The following RABGAP1L variants were observed in gnomAD, a reference collection of about 807,000 sequenced individuals.
The protein encoded by RABGAP1L is RAB GTPase activating protein 1 like, also known as rab GTPase-activating protein 1-like.
RABGAP1L carries 63 observed loss-of-function variants against 137.7 expected under a neutral mutation model. The observed-to-expected ratio is 0.46, with a 90% CI of 0.37 to 0.56. RABGAP1L has a LOEUF of 0.56. Among genes scored for constraint, RABGAP1L ranks in the 20% least tolerant of loss-of-function variants. RABGAP1L has a pLI of 0.00. For missense variants in RABGAP1L, 1,095 were observed against 1,244.0 expected, an observed-to-expected ratio of 0.88 and a Z score of 1.80; for synonymous variants, 431 against 433.7, an observed-to-expected ratio of 0.99 and a Z score of 0.08.
chr1:174,852,284 A>G (rs761247505), intron 19 of RABGAP1L, among the ~76,000 whole-genome samples: 2 of 152,188 alleles, frequency 1.3e-5, no homozygotes, highest in Non-Finnish European at 2.9e-5. Context: ...TGAGTAGAAA[A>G]GCACACAACA....
chr1:174,383,603 C>T (rs999263753), intron 12 of RABGAP1L, among the ~76,000 whole-genome samples: 1 of 152,200 alleles, frequency 6.6e-6, no homozygotes, highest in African/African-American at 2.4e-5. Context: ...AACTCCCTGA[C>T]CCCTTGCGCT....
At chr1:174,897,262 G>A (rs1006103798) in intron 19 of RABGAP1L, 3 of 152,148 alleles carry the variant, frequency 2.0e-5, no homozygotes, top group Non-Finnish European at 2.9e-5. Context: ...GTATAAGAAT[G>A]CTTGTGATTT....
At chr1:174,708,632 A>G (rs1037147813) in intron 17 of RABGAP1L, among the ~76,000 whole-genome samples, 1 of 152,162 alleles carries the variant, frequency 6.6e-6, no homozygotes, top group Non-Finnish European at 1.5e-5. Context: ...CACTTTTCCC[A>G]TGGTCTTCGC....
intron 12 of RABGAP1L, among the ~76,000 whole-genome samples, chr1:174,389,802 G>C (rs569315226): frequency 1.1e-4 from 16 of 152,194 alleles, no homozygotes; most frequent in South Asian, 4.1e-4. Context: ...TTGCCATTGT[G>C]GAGTTTCTAT....
At chr1:174,366,360 C>A (rs1684607127) in intron 11 of RABGAP1L, among the ~76,000 whole-genome samples, 1 of 152,174 alleles carries the variant, frequency 6.6e-6, no homozygotes, top group Non-Finnish European at 1.5e-5. Flanking sequence ...CAGATTTTTA[C>A]ATTGGACCTT....
intron 13 of RABGAP1L, among the ~76,000 whole-genome samples, chr1:174,561,303 G>C (rs576602853): frequency 6.6e-6 from 1 of 152,148 alleles, no homozygotes; most frequent in Non-Finnish European, 1.5e-5. Context: ...AACTTACAGG[G>C]ATGTGAAGGA....
At chr1:174,618,367 C>CAA (rs1557908704) in intron 13 of RABGAP1L, among the ~76,000 whole-genome samples, 1 of 148,900 alleles carries the variant, frequency 6.7e-6, no homozygotes, top group Admixed American at 6.7e-5. Context: ...CTGACCCACG[C>CAA]GTAGCCTAAC....
chr1:174,183,120 C>A (rs1558010474), intron 1 of RABGAP1L, among the ~76,000 whole-genome samples: 2 of 152,126 alleles, frequency 1.3e-5, no homozygotes, highest in African/African-American at 4.8e-5. Context: ...TTGTTTTCAT[C>A]TTTATATACC....
intron 12 of RABGAP1L, among the ~76,000 whole-genome samples, chr1:174,390,145 A>G (rs1687104954): frequency 6.6e-6 from 1 of 152,228 alleles, no homozygotes; most frequent in African/African-American, 2.4e-5. Flanking sequence ...AGGGTGCTGT[A>G]TGCAGTATAA....
At chr1:174,966,537 A>G (rs911994871) in intron 20 of RABGAP1L, among the ~76,000 whole-genome samples, 3 of 152,232 alleles carry the variant, frequency 2.0e-5, no homozygotes, top group Non-Finnish European at 4.4e-5. Flanking sequence ...TCAGAAATAA[A>G]GGCTAACTCT....
At chr1:174,261,926 T>A (rs1172043802) in intron 7 of RABGAP1L, among the ~76,000 whole-genome samples, 1 of 152,204 alleles carries the variant, frequency 6.6e-6, no homozygotes, top group Non-Finnish European at 1.5e-5. Context: ...ATTCCTCCCT[T>A]TCCTGAAAAT....
intron 18 of RABGAP1L, among the ~76,000 whole-genome samples, chr1:174,762,807 C>CTTTTTTT (rs71563260): frequency 3.1e-4 from 25 of 81,820 alleles, no homozygotes; most frequent in Non-Finnish European, 4.2e-4. Flanking sequence ...GTCTCCTTTG[C>CTTTTTTT]TTTTTTTTTT....
At chr1:174,397,421 T>C (rs1423469365) in intron 13 of RABGAP1L, among the ~76,000 whole-genome samples, 2 of 152,122 alleles carry the variant, frequency 1.3e-5, no homozygotes, top group African/African-American at 2.4e-5. Flanking sequence ...GGTTACTGTT[T>C]CCTGTGGTTT....
intron 12 of RABGAP1L, among the ~76,000 whole-genome samples, chr1:174,390,796 A>G (rs1687160639): frequency 6.6e-6 from 1 of 152,160 alleles, no homozygotes; most frequent in African/African-American, 2.4e-5. Flanking sequence ...GGAGTGTGGT[A>G]ACAATTTCTG....
intron 13 of RABGAP1L, among the ~76,000 whole-genome samples, chr1:174,487,997 A>G (rs1266575195): frequency 6.6e-6 from 1 of 152,126 alleles, no homozygotes; most frequent in Non-Finnish European, 1.5e-5. Flanking sequence ...CAAAAATTGT[A>G]GTAGTTACTA....
intron 13 of RABGAP1L, among the ~76,000 whole-genome samples, chr1:174,403,163 C>G (rs7413513): frequency 0.21 from 31,595 of 149,482 alleles, 3,652 homozygotes; most frequent in Admixed American, 0.25. Flanking sequence ...TGTTTTTCTC[C>G]CAAATGAATC....
intron 20 of RABGAP1L, among the ~76,000 whole-genome samples, chr1:174,959,727 G>A (rs750012697): frequency 2.0e-5 from 3 of 152,038 alleles, no homozygotes; most frequent in Non-Finnish European, 2.9e-5. Context: ...TCTTAATAAT[G>A]TCTAGGCATT....
intron 13 of RABGAP1L, among the ~76,000 whole-genome samples, chr1:174,629,791 T>C (rs1409602958): frequency 6.6e-6 from 1 of 152,242 alleles, no homozygotes; most frequent in Admixed American, 6.5e-5. Context: ...CCCAAAGTGC[T>C]GGGATTACAG....
intron 7 of RABGAP1L, among the ~76,000 whole-genome samples, chr1:174,262,413 A>C (rs1571830391): frequency 6.6e-6 from 1 of 152,238 alleles, no homozygotes; most frequent in East Asian, 1.9e-4. Flanking sequence ...ATGTGTTCTC[A>C]TAAGTTGATT....
Sources: gnomAD v4.1 joint callset for allele counts (sites outside exome capture counted in the v4.1 genomes callset) on GRCh38, gnomAD v4.1.1 for gene constraint, MANE v1.5 for transcripts, NCBI Gene and HGNC (gene_info 2026-07-23, HGNC 2026-07-21) for gene names.